SRR: variants seen among roughly 807,000 people sequenced by gnomAD.
SRR encodes the protein D-serine ammonia-lyase.
SRR carries 19 observed loss-of-function variants against 32.7 expected under a neutral mutation model. The ratio of observed to expected loss-of-function variants is 0.58; its 90% CI spans 0.40 to 0.85. The LOEUF is 0.85. Ranked by LOEUF, SRR falls within the 40% of genes least tolerant of loss-of-function variation. The pLI is 0.00. For synonymous variants in SRR, 142 were observed against 140.9 expected (o/e 1.01, Z -0.06); for missense variants, 373 against 404.7 (o/e 0.92, Z 0.67).
intron 1 of SRR, among the ~76,000 whole-genome samples, chr17:2,309,012 G>A (rs1196622822): frequency 2.0e-5 from 3 of 152,100 alleles, no homozygotes; most frequent in Non-Finnish European, 4.4e-5. Context: ...CAGCTACTTG[G>A]GAGGCTGAGG....
chr17:2,317,705 A>C (rs1409899140), intron 2 of SRR, among the ~76,000 whole-genome samples, 165 bp from the exon 3 acceptor site: 1 of 152,126 alleles, frequency 6.6e-6, no homozygotes, highest in Non-Finnish European at 1.5e-5. Flanking sequence ...CTCCATCTCA[A>C]AAAAATAAAA....
intron 1 of SRR, among the ~76,000 whole-genome samples, chr17:2,309,373 T>A (rs1567774090): frequency 2.0e-5 from 3 of 152,224 alleles, no homozygotes; most frequent in Non-Finnish European, 2.9e-5. Flanking sequence ...TTCTCCCCTT[T>A]ATTTTCACTT....
At position 2,318,900 on chromosome 17, in the gene SRR, TC is replaced by T; in HGVS notation, c.371del (p.Ser124Ter). On this transcript the variant is annotated frameshift_variant, in exon 4 of 8. Transcript: ENST00000344595. LOFTEE classifies it high-confidence loss of function. ...KKLAIQAYGA[S>X]IVYCEPSDES... is the part of the protein sequence containing the mutation. ...ACTTGCAATACAAGCCTACGGAGCGTCAATTGTATACTGTGAACCTAGTGAT... is the reference window on the plus strand; with the variant it reads ...ACTTGCAATACAAGCCTACGGAGCGTAATTGTATACTGTGAACCTAGTGAT... 6.2e-7 allele frequency: 1 copy of T among 1,613,764 alleles called. No individual in the cohort carries two copies. The highest frequency in any genetic ancestry group is 8.5e-7 in the Non-Finnish European group (1 of 1,179,708).
upstream of SRR, chr17:2,303,779 C>CG (rs919759862): frequency 1.4e-6 from 2 of 1,399,964 alleles, no homozygotes; most frequent in Admixed American, 5.0e-5. Context: ...AGCCAGGAAA[C>CG]CACCACAGAC....
intron 2 of SRR, among the ~76,000 whole-genome samples, chr17:2,317,375 G>A (rs2075484075): frequency 1.3e-5 from 2 of 152,008 alleles, no homozygotes; most frequent in Admixed American, 6.6e-5. Flanking sequence ...AGCCGGGCGT[G>A]GTGGCGGGCG....
chr17:2,304,400 C>T (rs1309410470), intron 1 of SRR, among the ~76,000 whole-genome samples: 3 of 31,532 alleles, frequency 9.5e-5, no homozygotes, highest in Admixed American at 3.4e-4. Flanking sequence ...TACAGGTGCA[C>T]GCCACCAAGC....
At chr17:2,310,559 C>A (rs933588406) in intron 1 of SRR, among the ~76,000 whole-genome samples, 1 of 151,710 alleles carries the variant, frequency 6.6e-6, no homozygotes, top group African/African-American at 2.4e-5. Flanking sequence ...TCAGGCCTGG[C>A]ATGGTTTTTT....
At chr17:2,315,770 C>T in intron 2 of SRR, 42 bp downstream of exon 2, 2 of 1,567,722 alleles carry the variant, frequency 1.3e-6, no homozygotes, top group Non-Finnish European at 1.7e-6. Flanking sequence ...TGTTTTCACA[C>T]CCTTTCACAT....
chr17:2,318,050 C>A (rs2075492091), intron 3 of SRR, 54 bp downstream of exon 3: 8 of 1,499,596 alleles, frequency 5.3e-6, no homozygotes, highest in Non-Finnish European at 6.3e-6. Flanking sequence ...TGGAAAAGTG[C>A]CCTTAATTTC....
At chr17:2,307,496 A>G (rs2075400058) in intron 1 of SRR, 1 of 1,429,618 alleles carries the variant, frequency 7.0e-7, no homozygotes, top group East Asian at 2.3e-5. Flanking sequence ...GCTATAATGG[A>G]TTTGGTAATG....
At chr17:2,318,291 C>G (rs1046261892) in intron 3 of SRR, among the ~76,000 whole-genome samples, 2 of 151,432 alleles carry the variant, frequency 1.3e-5, no homozygotes, top group Non-Finnish European at 2.9e-5. Context: ...ACTACAGGTG[C>G]GCACCACCAC....
At chr17:2,318,443 C>T (rs1009379608) in intron 3 of SRR, among the ~76,000 whole-genome samples, 2 of 151,642 alleles carry the variant, frequency 1.3e-5, no homozygotes, top group African/African-American at 4.8e-5. Context: ...AGCCACCACA[C>T]CTGGCTGAAC....
At chr17:2,311,752 G>GA (rs1366095709) in intron 1 of SRR, among the ~76,000 whole-genome samples, 112 of 152,294 alleles carry the variant, frequency 7.4e-4, no homozygotes, top group African/African-American at 2.6e-3. Flanking sequence ...AAAAGCCAAT[G>GA]AATTTTAGAG....
At chr17:2,315,508 A>ATAC (rs1302955029) in intron 1 of SRR, 49 bp from the exon 2 acceptor site, 1 of 1,545,486 alleles carries the variant, frequency 6.5e-7, no homozygotes, top group African/African-American at 1.4e-5. Context: ...TTCAATAAAC[A>ATAC]TACTGTCTCA....
In SRR at chr17:2,323,640, C is replaced by T. The variant is rs2075553659; in HGVS notation, c.805-15C>T. Reference sequence around the variant, plus strand: ...CTCCCCTTTCACTAATTCCTACTCCCTTCCATATCAACAGTGTGCAACCCA... The same window carrying T: ...CTCCCCTTTCACTAATTCCTACTCCTTTCCATATCAACAGTGTGCAACCCA... On this transcript the variant is annotated splice_polypyrimidine_tract_variant and intron_variant, in intron 7 of 7. Transcript: ENST00000344595. 13 of 1,613,074 alleles carry T rather than the reference C, an allele frequency of 8.1e-6. No individual in the cohort carries two copies. The highest frequency in any genetic ancestry group is 1.3e-5 in the African/African-American group (1 of 75,054).
At chr17:2,305,053 C>G (rs534109968) in intron 1 of SRR, among the ~76,000 whole-genome samples, 1 of 152,290 alleles carries the variant, frequency 6.6e-6, no homozygotes, top group South Asian at 2.1e-4. Context: ...ATTGCCACAA[C>G]CTCTGACAGA....
upstream of SRR, chr17:2,303,575 G>A (rs1020026760): frequency 2.0e-5 from 27 of 1,372,200 alleles, no homozygotes; most frequent in Non-Finnish European, 2.3e-5. Flanking sequence ...AGGCAGAGGA[G>A]GAGGAGAGGG....
chr17:2,318,995 A>T lies in SRR; in HGVS notation c.399+66A>T, dbSNP rs2075502599. 2.7e-6 allele frequency: 3 copies of T among 1,121,694 alleles called. No individual in the cohort carries two copies. The South Asian group carries it at 3.8e-5, about 14-fold the overall frequency. The allele number at this position is 1,121,694 out of a possible 1,614,324, so 69.5% of individuals were successfully genotyped here. On this transcript the variant is annotated intron_variant, in intron 4 of 7. Coordinates refer to ENST00000344595, the MANE Select transcript of SRR (RefSeq NM_021947.3). ...TTTGACCAATGGCTCTTTCTACCTT[A>T]CTGGCTGCTCCTTCTCAGCCTCCTT...
Position 2,306,731 on chromosome 17 carries a change from AC to A in SRR, c.-5+2715del, listed in dbSNP as rs2075393548. On this transcript the variant is annotated intron_variant, in intron 1 of 7. Transcript: ENST00000344595. ...GACTCTGTCTCAAAAATAAAACAAA[AC>A]AAACACTTTCCACCCATGGACACCG... is the stretch of plus-strand genomic sequence containing the variant. The A allele has an allele frequency of 1.6e-5, 9 of 570,798 alleles. No homozygotes were observed. The South Asian group carries it at 1.8e-4, about 11-fold the overall frequency. The allele number at this position is 570,798 out of a possible 1,614,324, so 35.4% of individuals were successfully genotyped here.
Sources: allele counts gnomAD v4.1 joint callset (sites outside exome capture counted in the v4.1 genomes callset), GRCh38; gene constraint gnomAD v4.1.1; transcripts MANE v1.5; gene names NCBI Gene and HGNC (gene_info 2026-07-23, HGNC 2026-07-21).